The following TRUB1 variants were observed in gnomAD, a reference collection of about 807,000 sequenced individuals.
The protein encoded by TRUB1 is TruB pseudouridine synthase family member 1.
A neutral mutation model predicts 33.9 loss-of-function variants in TRUB1; 23 were observed. The observed-to-expected ratio is 0.68, with a 90% confidence interval of 0.49 to 0.96. The LOEUF is 0.96. Ranked by LOEUF, TRUB1 falls within the 40% of genes least tolerant of loss-of-function variation. The pLI, the probability that TRUB1 is intolerant of heterozygous loss-of-function variation, is 0.00. For missense variants in TRUB1, 378 were observed against 422.2 expected (o/e 0.90, Z 0.92); for synonymous variants, 163 against 165.4 (o/e 0.99, Z 0.11).
intron 3 of TRUB1, among the ~76,000 whole-genome samples, chr10:114,952,023 TATA>T (rs1423148952): frequency 1.3e-5 from 2 of 152,186 alleles, no homozygotes; most frequent in Non-Finnish European, 2.9e-5. Flanking sequence ...TTTTGTAAAA[TATA>T]ATTAAAATAC....
At chr10:114,964,678 A>G (rs994125909) in intron 4 of TRUB1, among the ~76,000 whole-genome samples, 2 of 152,100 alleles carry the variant, frequency 1.3e-5, no homozygotes, top group Middle Eastern at 3.2e-3. Context: ...TCCCTCTGCA[A>G]TCCACCTTTT....
intron 4 of TRUB1, among the ~76,000 whole-genome samples, chr10:114,962,328 G>C (rs900295992): frequency 1.1e-4 from 17 of 152,308 alleles, no homozygotes; most frequent in Non-Finnish European, 2.9e-5. Context: ...AGTGAAAAAT[G>C]CTATTTAGGA....
rs2084356968 is a variant in TRUB1, at chr10:114,975,568, G to C, written c.*189G>C. The stretch of plus-strand genomic sequence containing the variant: ...ATGCATTATAAATGGCCTTGCAGTT[G>C]GCTCAGTTGTTTGTTGTGTTGTGAA... On this transcript the variant is annotated 3_prime_UTR_variant, in exon 8 of 8. Coordinates refer to ENST00000298746, the MANE Select transcript of TRUB1 (RefSeq NM_139169.5). The C allele has an allele frequency of 2.0e-6, 1 of 488,816 alleles. No homozygotes were observed. The highest frequency in any genetic ancestry group is 3.4e-6 in the Non-Finnish European group (1 of 289,946). 30.3% of individuals were successfully genotyped at this position (488,816 alleles called of 1,614,324 possible).
intron 4 of TRUB1, among the ~76,000 whole-genome samples, chr10:114,964,916 A>G (rs1051280360): frequency 1.4e-5 from 2 of 146,442 alleles, no homozygotes; most frequent in African/African-American, 5.0e-5. Flanking sequence ...TTTCTTATAG[A>G]TTTTTTTCTA....
chr10:114,955,037 A>G (rs957815186), intron 3 of TRUB1, among the ~76,000 whole-genome samples: 6 of 152,212 alleles, frequency 3.9e-5, no homozygotes, highest in African/African-American at 1.2e-4. Context: ...AGCCAGAAAG[A>G]AGTTTCTGAC....
At chr10:114,939,842 T>TA (rs1307327036) in intron 1 of TRUB1, among the ~76,000 whole-genome samples, 4 of 146,834 alleles carry the variant, frequency 2.7e-5, no homozygotes, top group African/African-American at 9.9e-5. Flanking sequence ...TTTTTTTTTT[T>TA]ATCCTTAAGG....
At chr10:114,946,284 A>G (rs920248281) in intron 2 of TRUB1, among the ~76,000 whole-genome samples, 1 of 152,222 alleles carries the variant, frequency 6.6e-6, no homozygotes, top group African/African-American at 2.4e-5. Context: ...CAAAATACCT[A>G]TAGTATATAG....
At chr10:114,952,164 C>T (rs1252877308) in intron 3 of TRUB1, among the ~76,000 whole-genome samples, 1 of 152,166 alleles carries the variant, frequency 6.6e-6, no homozygotes, top group Non-Finnish European at 1.5e-5. Flanking sequence ...CCTGACCGAG[C>T]GTGGTGTCTC....
chr10:114,961,361 G>T (rs1398874061), intron 4 of TRUB1, among the ~76,000 whole-genome samples: 1 of 152,152 alleles, frequency 6.6e-6, no homozygotes, highest in Non-Finnish European at 1.5e-5. Flanking sequence ...GATTGGACAG[G>T]ATAGCGAGGA....
chr10:114,949,379 C>T (rs2084224325), intron 2 of TRUB1, among the ~76,000 whole-genome samples: 2 of 152,154 alleles, frequency 1.3e-5, no homozygotes, highest in African/African-American at 2.4e-5. Context: ...TTATGCTCTT[C>T]AGAGGATTAC....
chr10:114,940,561 G>A (rs371421801), intron 1 of TRUB1, among the ~76,000 whole-genome samples: 1 of 152,110 alleles, frequency 6.6e-6, no homozygotes, highest in South Asian at 2.1e-4. Flanking sequence ...TGTCTGTTGG[G>A]ATCCTTCAAA....
Position 114,945,667 on chromosome 10 carries a change from A to G in TRUB1, c.385+2924A>G, listed in dbSNP as rs146124397. ...CTGTAAACTTTCTTAAAACATCATGAGTTTTTTTGTGATTTTTATTTTTTT... is the reference window on the plus strand; with the variant it reads ...CTGTAAACTTTCTTAAAACATCATGGGTTTTTTTGTGATTTTTATTTTTTT... On this transcript the variant is annotated intron_variant, in intron 2 of 7. Transcript: ENST00000298746. Among the ~76,000 whole-genome samples the G allele has an allele frequency of 5.3e-3, 810 of 152,160 alleles. 9 individuals carry two copies. The highest frequency in any genetic ancestry group is 0.019 in the African/African-American group (789 of 41,502).
intron 6 of TRUB1, 36 bp downstream of exon 6, chr10:114,972,310 G>T: frequency 1.3e-6 from 2 of 1,561,724 alleles, no homozygotes; most frequent in Non-Finnish European, 1.7e-6. Flanking sequence ...TTGTATTTAC[G>T]TGTATTTTTA....
At chr10:114,961,367 G>A (rs768989107) in intron 4 of TRUB1, among the ~76,000 whole-genome samples, 17 of 152,118 alleles carry the variant, frequency 1.1e-4, no homozygotes, top group Non-Finnish European at 2.5e-4. Context: ...ACAGGATAGC[G>A]AGGAAGTTGT....
At chr10:114,959,456 A>G (rs553088533) in intron 3 of TRUB1, among the ~76,000 whole-genome samples, 3 of 152,350 alleles carry the variant, frequency 2.0e-5, no homozygotes, top group East Asian at 1.9e-4. Flanking sequence ...TTTGCTTACA[A>G]TAATAATGGT....
intron 1 of TRUB1, among the ~76,000 whole-genome samples, chr10:114,940,936 G>A (rs566474454): frequency 3.9e-5 from 6 of 152,258 alleles, no homozygotes; most frequent in East Asian, 1.9e-4. Flanking sequence ...AGGGAATGAC[G>A]CCAGGGTGTT....
chr10:114,948,174 A>C (rs941715598), intron 2 of TRUB1, among the ~76,000 whole-genome samples: 16 of 152,230 alleles, frequency 1.1e-4, no homozygotes. Flanking sequence ...GCAACAGTGC[A>C]TGGAAAACCC....
intron 2 of TRUB1, among the ~76,000 whole-genome samples, chr10:114,950,648 G>T (rs1177204195): frequency 6.6e-6 from 1 of 152,130 alleles, no homozygotes; most frequent in Non-Finnish European, 1.5e-5. Context: ...ATACTGCTGG[G>T]TGCTAATCAT....
intron 3 of TRUB1, among the ~76,000 whole-genome samples, chr10:114,957,444 TAGG>T: frequency 6.6e-6 from 1 of 152,344 alleles, no homozygotes; most frequent in South Asian, 2.1e-4. Flanking sequence ...CCCTAGCACT[TAGG>T]AGAATACTTT....
Sources: allele counts gnomAD v4.1 joint callset (sites outside exome capture counted in the v4.1 genomes callset), GRCh38; gene constraint gnomAD v4.1.1; transcripts MANE v1.5; gene names NCBI Gene and HGNC (gene_info 2026-07-23, HGNC 2026-07-21).